SEMA3C: variants seen among roughly 807,000 people sequenced by gnomAD.
The protein encoded by SEMA3C is semaphorin 3C.
A neutral mutation model predicts 89.4 loss-of-function variants in SEMA3C; 47 were observed. The observed-to-expected ratio is 0.53, with a 90% CI of 0.42 to 0.67. SEMA3C has a LOEUF of 0.67. Ranked by LOEUF, SEMA3C falls within the 30% of genes least tolerant of loss-of-function variation. SEMA3C has a pLI of 0.00. For missense variants in SEMA3C, 839 were observed against 929.1 expected (o/e 0.90, Z 1.26); for synonymous variants, 310 against 320.2 (o/e 0.97, Z 0.34).
chr7:80,762,579 G>T (rs1788209680), intron 13 of SEMA3C, among the ~76,000 whole-genome samples: 1 of 152,168 alleles, frequency 6.6e-6, no homozygotes, highest in Non-Finnish European at 1.5e-5. Flanking sequence ...AGCACTTTGG[G>T]AGGCTGAGGC....
chr7:80,755,633 G>A (rs1326532740), intron 15 of SEMA3C, among the ~76,000 whole-genome samples: 2 of 151,862 alleles, frequency 1.3e-5, no homozygotes, highest in Admixed American at 1.3e-4. Flanking sequence ...TTAATAGATT[G>A]AAGATTATAT....
intron 4 of SEMA3C, among the ~76,000 whole-genome samples, chr7:80,820,060 T>C (rs954093975): frequency 2.0e-5 from 3 of 147,718 alleles, no homozygotes; most frequent in Admixed American, 6.7e-5. Context: ...GCTCCTTTTT[T>C]TTTTTTTTTT....
In SEMA3C at chr7:80,804,088, A is replaced by T. The variant is rs372352167; in HGVS notation, c.801+18T>A. On this transcript the variant is annotated intron_variant, in intron 8 of 17. Coordinates refer to ENST00000265361, the MANE Select transcript of SEMA3C (RefSeq NM_006379.5). ...ATTTCTTGGTCTTTCTTCAAATCGG[A>T]ACAGCATTAATACTTACAGGACATA... 8 of 1,582,534 alleles carry T rather than the reference A, an allele frequency of 5.1e-6. No homozygotes were observed. In the African/African-American group the frequency reaches 8.1e-5, roughly 16 times the overall value.
intron 2 of SEMA3C, among the ~76,000 whole-genome samples, chr7:80,859,033 A>G (rs758008707): frequency 1.4e-4 from 21 of 151,882 alleles, no homozygotes; most frequent in Non-Finnish European, 1.5e-4. Flanking sequence ...ATCTTTTCCT[A>G]TCGTTTGAAA....
intron 2 of SEMA3C, among the ~76,000 whole-genome samples, chr7:80,837,512 A>G (rs1172620547): frequency 6.6e-6 from 1 of 152,142 alleles, no homozygotes; most frequent in African/African-American, 2.4e-5. Context: ...CAGGCCTCCT[A>G]TGATCTAGTT....
intron 2 of SEMA3C, among the ~76,000 whole-genome samples, chr7:80,840,099 G>T (rs893954819): frequency 6.6e-6 from 1 of 151,944 alleles, no homozygotes. Flanking sequence ...ATAACACAAT[G>T]CTTGTGTTTA....
intron 6 of SEMA3C, among the ~76,000 whole-genome samples, chr7:80,806,358 A>G (rs1176690124): frequency 1.3e-5 from 2 of 152,144 alleles, no homozygotes; most frequent in Admixed American, 6.5e-5. Context: ...TTATTATGAC[A>G]TGACAAGGAG....
At position 80,804,090 on chromosome 7, in the gene SEMA3C, C is replaced by T. The variant is rs1286053931; in HGVS notation, c.801+16G>A. ...TTCTTGGTCTTTCTTCAAATCGGAA[C>T]AGCATTAATACTTACAGGACATATT... On this transcript the variant is annotated intron_variant, in intron 8 of 17. Transcript: ENST00000265361. 2 of 1,576,980 alleles carry T rather than the reference C, an allele frequency of 1.3e-6. No individual in the cohort carries two copies. The highest frequency in any genetic ancestry group is 1.7e-6 in the Non-Finnish European group (2 of 1,161,898).
chr7:80,792,056 T>C (rs1374681665), intron 11 of SEMA3C, among the ~76,000 whole-genome samples: 1 of 152,170 alleles, frequency 6.6e-6, no homozygotes, highest in African/African-American at 2.4e-5. Flanking sequence ...ATGAGACAAG[T>C]AATAAAACGA....
chr7:80,781,992 G>GA (rs967622270), intron 12 of SEMA3C, among the ~76,000 whole-genome samples: 33 of 150,424 alleles, frequency 2.2e-4, no homozygotes, highest in East Asian at 1.2e-3. Context: ...TTTTAATTAA[G>GA]AAAAAAAAAT....
At chr7:80,913,847 C>T (rs1210228120) in intron 2 of SEMA3C, among the ~76,000 whole-genome samples, 1 of 152,114 alleles carries the variant, frequency 6.6e-6, no homozygotes, top group Non-Finnish European at 1.5e-5. Flanking sequence ...ATTATTTCAC[C>T]ACAAGAAAAA....
At chr7:80,881,534 T>C (rs770250463) in intron 2 of SEMA3C, among the ~76,000 whole-genome samples, 2 of 152,124 alleles carry the variant, frequency 1.3e-5, no homozygotes, top group African/African-American at 2.4e-5. Context: ...TGGAGGGGTG[T>C]AAGTGATTTT....
intron 12 of SEMA3C, among the ~76,000 whole-genome samples, chr7:80,770,529 A>G (rs1026707904): frequency 8.5e-5 from 13 of 152,208 alleles, no homozygotes; most frequent in Middle Eastern, 3.2e-3. Flanking sequence ...AAACGTAAAT[A>G]ATAACCATGC....
chr7:80,799,308 C>T (rs1789141610), intron 10 of SEMA3C, among the ~76,000 whole-genome samples: 1 of 152,016 alleles, frequency 6.6e-6, no homozygotes, highest in East Asian at 1.9e-4. Flanking sequence ...ACAGCTAAAA[C>T]CTTTAGATTT....
At chr7:80,916,997 CATTT>C (rs1792293218) in intron 1 of SEMA3C, among the ~76,000 whole-genome samples, 178 bp from the exon 2 acceptor site, 4 of 152,154 alleles carry the variant, frequency 2.6e-5, no homozygotes, top group South Asian at 4.1e-4. Context: ...GGATTTGATT[CATTT>C]GTGTCTGGAA....
chr7:80,765,602 T>C (rs1158150403), intron 12 of SEMA3C, among the ~76,000 whole-genome samples: 1 of 151,616 alleles, frequency 6.6e-6, no homozygotes, highest in African/African-American at 2.4e-5. Flanking sequence ...TTTGAGACAG[T>C]GTCTTGCTCT....
rs1220825394 is a variant in SEMA3C at position 80,885,268 on chromosome 7, T to A, written c.103+31411A>T. On this transcript the variant is annotated intron_variant, in intron 2 of 17. Coordinates refer to ENST00000265361, the MANE Select transcript of SEMA3C (RefSeq NM_006379.5). ...TTGGAAGATAGCTCTTCTCTACATT[T>A]TCCCCCTCTTTTATCCCTAGGTAAA... Among the ~76,000 whole-genome samples the A allele has an allele frequency of 2.0e-5, 3 of 152,328 alleles. No individual in the cohort carries two copies. The East Asian group carries it at 5.8e-4, about 29-fold the overall frequency.
intron 15 of SEMA3C, among the ~76,000 whole-genome samples, chr7:80,754,088 C>T (rs1312919111): frequency 6.6e-6 from 1 of 152,138 alleles, no homozygotes; most frequent in Non-Finnish European, 1.5e-5. Context: ...CAGGCATGCG[C>T]CACCATGCCC....
chr7:80,818,492 G>C, intron 4 of SEMA3C, 74 bp from the exon 5 acceptor site: 1 of 1,507,706 alleles, frequency 6.6e-7, no homozygotes, highest in Non-Finnish European at 9.1e-7. Context: ...ATGTTAACCT[G>C]AGATCTTGTA....
Sources: allele counts gnomAD v4.1 joint callset (sites outside exome capture counted in the v4.1 genomes callset), GRCh38; gene constraint gnomAD v4.1.1; transcripts MANE v1.5; gene names NCBI Gene and HGNC (gene_info 2026-07-23, HGNC 2026-07-21).